The following LYPLA1 variants were observed in gnomAD, a reference collection of about 807,000 sequenced individuals.
LYPLA1 encodes the protein lysophospholipase 1.
Under a neutral mutation model 34.0 loss-of-function variants are expected in LYPLA1, and 17 were observed. The ratio of observed to expected loss-of-function variants is 0.50; its 90% CI spans 0.34 to 0.75. LYPLA1 has a LOEUF of 0.75. Among genes scored for constraint, LYPLA1 ranks in the 30% least tolerant of loss-of-function variants. The pLI is 0.01. For synonymous variants in LYPLA1, 98 were observed against 100.8 expected (o/e 0.97, Z 0.17); for missense variants, 203 against 288.8 (o/e 0.70, Z 2.15).
rs1471669640 is a variant in LYPLA1 at position 54,101,720 on chromosome 8, G to A, written c.69+35C>T. The A allele has an allele frequency of 1.0e-5, 13 of 1,283,068 alleles. No homozygotes were observed. The East Asian group carries it at 4.1e-4, about 41-fold the overall frequency. The allele number at this position is 1,283,068 out of a possible 1,614,324, so 79.5% of individuals were successfully genotyped here. On this transcript the variant is annotated intron_variant, in intron 1 of 8. Transcript: ENST00000316963. ...GGGGCAACCACCGGTGGCCGGCCCA[G>A]TGGACCCCTCCGAGCCCACGCCTAC... is the stretch of plus-strand genomic sequence containing the variant.
intron 2 of LYPLA1, among the ~76,000 whole-genome samples, chr8:54,078,315 T>C (rs1411089622): frequency 3.3e-5 from 5 of 152,228 alleles, no homozygotes; most frequent in Admixed American, 6.5e-5. Flanking sequence ...TTCAAAATAA[T>C]TTTCAAAAAT....
intron 2 of LYPLA1, among the ~76,000 whole-genome samples, chr8:54,075,793 C>T (rs1040723966): frequency 1.3e-5 from 2 of 152,132 alleles, no homozygotes; most frequent in African/African-American, 4.8e-5. Context: ...ATTATTGAGG[C>T]ATACTACCCT....
chr8:54,063,328 C>A lies in LYPLA1; in HGVS notation c.215G>T (p.Trp72Leu). 1.3e-6 allele frequency: 2 copies of A among 1,505,486 alleles called. No individual in the cohort carries two copies. The highest frequency in any genetic ancestry group is 2.6e-5 in the South Asian group (2 of 76,894). 93.3% of individuals were successfully genotyped at this position (1,505,486 alleles called of 1,614,324 possible). Residue 72 changes from tryptophan to leucine, a missense_variant and splice_region_variant, in exon 4 of 9, where the codon TGG (tryptophan) becomes TTG (leucine). Physicochemically the swap from Trp to Leu is moderately conservative, Grantham distance 61 (BLOSUM62 -2). Around this residue, in one of 3 missense-constraint regions of LYPLA1, gnomAD observed 123 missense variants for 199.2 expected, o/e 0.62. Transcript: ENST00000316963. ...TLNMNVAMPSWFDIIGLSPDS... is the reference protein window; with the variant it reads ...TLNMNVAMPSLFDIIGLSPDS... ...ATTCAATAAGTAAATTCTTACTTAC[C>A]ATGAAGGCATAGCCACGTTCATATT...
intron 2 of LYPLA1, among the ~76,000 whole-genome samples, chr8:54,097,818 A>G (rs1020018362): frequency 3.2e-4 from 49 of 152,250 alleles, no homozygotes; most frequent in African/African-American, 1.2e-3. Flanking sequence ...TTTATTGTGT[A>G]AATTAGACAT....
At chr8:54,075,824 G>A (rs893601685) in intron 2 of LYPLA1, among the ~76,000 whole-genome samples, 1 of 152,100 alleles carries the variant, frequency 6.6e-6, no homozygotes, top group Non-Finnish European at 1.5e-5. Context: ...TTTCTAAGAA[G>A]GACTGGACCT....
intron 2 of LYPLA1, among the ~76,000 whole-genome samples, chr8:54,072,020 A>T (rs1807510483): frequency 6.6e-6 from 1 of 152,200 alleles, no homozygotes; most frequent in Non-Finnish European, 1.5e-5. Flanking sequence ...ACAGCATGGT[A>T]CTGGTACAAA....
chr8:54,048,391 A>T (rs1283064500), intron 8 of LYPLA1, among the ~76,000 whole-genome samples: 1 of 152,198 alleles, frequency 6.6e-6, no homozygotes, highest in East Asian at 1.9e-4. Flanking sequence ...GGGGCAGGGA[A>T]GTTTAGAAGC....
intron 2 of LYPLA1, among the ~76,000 whole-genome samples, chr8:54,081,372 A>G (rs1808307575): frequency 6.6e-6 from 1 of 152,070 alleles, no homozygotes; most frequent in South Asian, 2.1e-4. Context: ...TTTGGCCAGC[A>G]GCTCTCGTCC....
chr8:54,101,230 G>A (rs1368337719), intron 1 of LYPLA1: 1 of 666,904 alleles, frequency 1.5e-6, no homozygotes, highest in Non-Finnish European at 2.1e-6. Context: ...TCTCTTTCAA[G>A]TGAAATCAGG....
chr8:54,089,881 G>T (rs1186349888), intron 2 of LYPLA1, among the ~76,000 whole-genome samples: 1 of 152,142 alleles, frequency 6.6e-6, no homozygotes, highest in Non-Finnish European at 1.5e-5. Flanking sequence ...CCCATGTGTA[G>T]GGAGACCCCC....
At chr8:54,062,969 G>A (rs1389073559) in intron 4 of LYPLA1, among the ~76,000 whole-genome samples, 1 of 152,182 alleles carries the variant, frequency 6.6e-6, no homozygotes, top group Non-Finnish European at 1.5e-5. Context: ...GGGCTGGAAG[G>A]GAAGCGGTTT....
intron 2 of LYPLA1, among the ~76,000 whole-genome samples, chr8:54,082,281 T>A (rs184849544): frequency 2.6e-5 from 4 of 152,260 alleles, no homozygotes; most frequent in African/African-American, 7.2e-5. Flanking sequence ...GGACAGGTTT[T>A]CCCCACAACG....
intron 2 of LYPLA1, among the ~76,000 whole-genome samples, chr8:54,084,294 G>A (rs557729303): frequency 2.0e-4 from 31 of 151,762 alleles, no homozygotes; most frequent in Non-Finnish European, 3.8e-4. Context: ...AACAGAGGCC[G>A]GCGCGGTGGC....
chr8:54,044,160 C>A (rs190724657), downstream of LYPLA1, among the ~76,000 whole-genome samples: 1 of 151,894 alleles, frequency 6.6e-6, no homozygotes, highest in African/African-American at 2.4e-5. Context: ...CCCAAAGTGC[C>A]GGTATTACAG....
At chr8:54,061,697 G>A (rs1033022940) in intron 5 of LYPLA1, among the ~76,000 whole-genome samples, 4 of 152,128 alleles carry the variant, frequency 2.6e-5, no homozygotes, top group African/African-American at 9.7e-5. Context: ...TGGAAGGGTC[G>A]CTTGAGTTCA....
At chr8:54,054,941 AAGTG>A (rs1806103716) in intron 6 of LYPLA1, 115 bp downstream of exon 6, 1 of 651,016 alleles carries the variant, frequency 1.5e-6, no homozygotes, top group Non-Finnish European at 2.7e-6. Flanking sequence ...CATCAAAGGT[AAGTG>A]TATCAGTCAA....
intron 5 of LYPLA1, among the ~76,000 whole-genome samples, chr8:54,060,736 A>G (rs1235897440): frequency 1.7e-4 from 21 of 126,826 alleles, no homozygotes; most frequent in African/African-American, 6.4e-4. Flanking sequence ...TCTGTCACCC[A>G]GGCTGGAGTG....
chr8:54,055,199 T>G, intron 5 of LYPLA1, 66 bp from the exon 6 acceptor site: 1 of 891,206 alleles, frequency 1.1e-6, no homozygotes, highest in South Asian at 1.6e-5. Flanking sequence ...AAATTTAAAT[T>G]AGGAAAAAAT....
chr8:54,074,098 ACC>A (rs1244543782), intron 2 of LYPLA1, among the ~76,000 whole-genome samples: 1 of 152,118 alleles, frequency 6.6e-6, no homozygotes, highest in Non-Finnish European at 1.5e-5. Flanking sequence ...ACATGGTGAA[ACC>A]CCATCTCTAC....
Sources: allele counts gnomAD v4.1 joint callset (sites outside exome capture counted in the v4.1 genomes callset), GRCh38; gene constraint gnomAD v4.1.1; regional missense constraint gnomAD v4.1.1; transcripts MANE v1.5; gene names NCBI Gene and HGNC (gene_info 2026-07-23, HGNC 2026-07-21).